Variants in DDX4 observed in about 807,000 individuals in gnomAD.
DDX4 encodes probable ATP-dependent RNA helicase DDX4.
Under a neutral mutation model 100.0 loss-of-function variants are expected in DDX4, and 25 were observed. That is an observed-to-expected ratio of 0.25 (90% CI 0.18 to 0.35). The LOEUF (loss-of-function observed/expected upper bound fraction) is 0.35. Ranked by LOEUF, DDX4 falls within the 10% of genes least tolerant of loss-of-function variation. DDX4 has a pLI of 1.00. For missense variants in DDX4, 635 were observed against 882.4 expected, an observed-to-expected ratio of 0.72 and a Z score of 3.55; for synonymous variants, 259 against 275.7, an observed-to-expected ratio of 0.94 and a Z score of 0.60.
chr5:55,813,581 A>C (rs540120526), intron 18 of DDX4, 92 bp from the exon 19 acceptor site: 18,012 of 1,418,948 alleles, frequency 0.013, 144 homozygotes, highest in Non-Finnish European at 0.015. Context: ...TGGTGGACAA[A>C]GTTTCATATT....
chr5:55,791,610 T>C (rs575665153), intron 16 of DDX4, among the ~76,000 whole-genome samples: 9 of 152,302 alleles, frequency 5.9e-5, no homozygotes, highest in African/African-American at 2.2e-4. Flanking sequence ...TATTTGAATA[T>C]GTCATGCTGT....
At position 55,767,904 on chromosome 5, in the gene DDX4, A is replaced by G. The variant is rs1347108928; in HGVS notation, c.358A>G (p.Asn120Asp). Residue 120 changes from asparagine (N) to aspartate (D), a missense_variant, in exon 7 of 22, where the codon AAT (asparagine) becomes GAT (aspartate). Around this residue, in one of 4 missense-constraint regions of DDX4, gnomAD observed 446 missense variants for 540.8 expected, o/e 0.82. Transcript: ENST00000505374. The stretch of plus-strand genomic sequence containing the variant: ...AGAGTCTAGTAATGACTGCGAAGAT[A>G]ATCCAACACGGAACAGAGGGTTTTC... ...WRESSNDCED[N>D]PTRNRGFSKR... 6.2e-7 allele frequency: 1 copy of G among 1,613,958 alleles called. No homozygotes were observed. The highest frequency in any genetic ancestry group is 1.1e-5 in the South Asian group (1 of 91,074).
At chr5:55,811,770 C>G (rs184893610) in intron 18 of DDX4, among the ~76,000 whole-genome samples, 1 of 152,150 alleles carries the variant, frequency 6.6e-6, no homozygotes, top group East Asian at 1.9e-4. Flanking sequence ...TTTCAGTTAC[C>G]TGAAGATTTT....
chr5:55,815,343 G>A lies in DDX4; in HGVS notation c.2017G>A (p.Glu673Lys). ...AQQDVPAWLEEIAFSTYIPGF... is the reference protein window; with the variant it reads ...AQQDVPAWLEKIAFSTYIPGF... ...ACAGGATGTTCCTGCATGGTTGGAA[G>A]AAATTGCCTTTAGTACATACATTCC... The change falls in exon 21 of 22, where the codon GAA (glutamate) becomes AAA (lysine). Residue 673 changes from glutamate (E) to lysine (K), a missense_variant. Physicochemically the swap from Glu to Lys is moderately conservative, Grantham distance 56. Around this residue, in one of 4 missense-constraint regions of DDX4, gnomAD observed 73 missense variants for 98.5 expected, o/e 0.74. Transcript: ENST00000505374. 1 of 1,613,328 alleles carries A rather than the reference G, an allele frequency of 6.2e-7. No individual in the cohort carries two copies. Among genetic ancestry groups the A allele is most frequent in the Non-Finnish European group, 8.5e-7 (1 of 1,179,876 alleles).
chr5:55,812,138 G>A lies in DDX4; in HGVS notation c.1616-1535G>A, dbSNP rs371381698. ...ATAGTTTAAAGTATATTTTTCAAAA[G>A]TGCAAGTTCAATTTCTTTACTTTCT... is the stretch of plus-strand genomic sequence containing the variant. On this transcript the variant is annotated intron_variant, in intron 18 of 21. Coordinates refer to ENST00000505374, the MANE Select transcript of DDX4 (RefSeq NM_024415.3). 7.2e-5 allele frequency among the ~76,000 whole-genome samples: 11 copies of A among 152,238 alleles called. No homozygotes were observed. In the South Asian group the frequency reaches 2.1e-3, roughly 29 times the overall value.
chr5:55,800,903 C>T (rs913176219), intron 18 of DDX4, among the ~76,000 whole-genome samples: 4 of 152,064 alleles, frequency 2.6e-5, no homozygotes, highest in Admixed American at 6.6e-5. Context: ...TCTACTCTTT[C>T]ACTTAATTAT....
At chr5:55,762,809 G>A (rs895355900) in intron 4 of DDX4, among the ~76,000 whole-genome samples, 1 of 152,092 alleles carries the variant, frequency 6.6e-6, no homozygotes, top group African/African-American at 2.4e-5. Context: ...AACAGGACAC[G>A]AGTGTAAGAT....
intron 10 of DDX4, among the ~76,000 whole-genome samples, chr5:55,782,686 A>T (rs1741996367): frequency 6.6e-6 from 1 of 152,110 alleles, no homozygotes; most frequent in Non-Finnish European, 1.5e-5. Context: ...CAGATATAAT[A>T]TGTACAAATC....
chr5:55,744,957 CACA>C (rs1180032332), intron 2 of DDX4, among the ~76,000 whole-genome samples: 1 of 151,810 alleles, frequency 6.6e-6, no homozygotes, highest in Non-Finnish European at 1.5e-5. Context: ...CTCGGCTCAC[CACA>C]ACCTCTGCCT....
At chr5:55,813,909 C>A in intron 19 of DDX4, 137 bp downstream of exon 19, 1 of 1,074,956 alleles carries the variant, frequency 9.3e-7, no homozygotes, top group Non-Finnish European at 1.2e-6. Flanking sequence ...TGTTATTCTC[C>A]TTTATATGAG....
intron 2 of DDX4, among the ~76,000 whole-genome samples, chr5:55,745,429 C>G (rs1759199760): frequency 6.6e-6 from 1 of 151,700 alleles, no homozygotes. Flanking sequence ...ATTTTCTTTT[C>G]TATTTTTATT....
chr5:55,805,018 C>G (rs1401984778), intron 18 of DDX4, among the ~76,000 whole-genome samples: 1 of 151,844 alleles, frequency 6.6e-6, no homozygotes, highest in East Asian at 1.9e-4. Flanking sequence ...ATTTGTAGTT[C>G]TCCTTGAAGA....
chr5:55,794,171 A>G (rs1742762810), intron 17 of DDX4, among the ~76,000 whole-genome samples: 1 of 150,500 alleles, frequency 6.6e-6, no homozygotes, highest in Non-Finnish European at 1.5e-5. Context: ...ACAATTGAAT[A>G]GTATTTTCTT....
At chr5:55,788,304 A>G (rs1030075160) in intron 15 of DDX4, among the ~76,000 whole-genome samples, 3 of 152,120 alleles carry the variant, frequency 2.0e-5, no homozygotes, top group Non-Finnish European at 4.4e-5. Flanking sequence ...GCAAGACCCC[A>G]TCTCTACAAA....
intron 2 of DDX4, among the ~76,000 whole-genome samples, chr5:55,741,808 A>G (rs997908227): frequency 1.3e-5 from 2 of 151,838 alleles, no homozygotes; most frequent in Non-Finnish European, 2.9e-5. Context: ...AAAAGTGCAG[A>G]AACTAGAGAT....
intron 2 of DDX4, chr5:55,742,366 T>C (rs757163071): frequency 1.5e-5 from 4 of 268,648 alleles, no homozygotes; most frequent in Non-Finnish European, 2.4e-5. Context: ...ATTTGCCATT[T>C]TTGTGGCACA....
intron 18 of DDX4, among the ~76,000 whole-genome samples, chr5:55,812,928 A>G (rs1744198599): frequency 6.6e-6 from 1 of 151,804 alleles, no homozygotes; most frequent in African/African-American, 2.4e-5. Context: ...GAATAAATGA[A>G]TGAAGTGAGA....
At chr5:55,803,096 G>GCCTCCCC (rs1743430255) in intron 18 of DDX4, among the ~76,000 whole-genome samples, 1 of 45,174 alleles carries the variant, frequency 2.2e-5, no homozygotes, top group African/African-American at 8.5e-5. Context: ...CATCCCTCCC[G>GCCTCCCC]CCTCCCCCCA....
chr5:55,742,160 A>G, intron 2 of DDX4: 1 of 456,308 alleles, frequency 2.2e-6, no homozygotes, highest in Non-Finnish European at 4.4e-6. Context: ...AGATTTTATA[A>G]TGTGGCAATT....
Sources: gnomAD v4.1 joint callset for allele counts (sites outside exome capture counted in the v4.1 genomes callset) on GRCh38, gnomAD v4.1.1 for gene constraint, gnomAD v4.1.1 regional missense constraint, MANE v1.5 for transcripts, NCBI Gene and HGNC (gene_info 2026-07-23, HGNC 2026-07-21) for gene names.